EPHB1: variants seen among roughly 807,000 people sequenced by gnomAD.
The protein encoded by EPHB1 is ephrin type-B receptor 1.
Under a neutral mutation model 94.4 loss-of-function variants are expected in EPHB1, and 30 were observed. That is an observed-to-expected ratio of 0.32 (90% CI 0.24 to 0.43). EPHB1 has a LOEUF of 0.43. EPHB1 is among the 20% of genes least tolerant of loss of function. The pLI is 1.00. For missense variants in EPHB1, 1,055 were observed against 1,308.3 expected, an observed-to-expected ratio of 0.81 and a Z score of 2.99; for synonymous variants, 522 against 489.1, an observed-to-expected ratio of 1.07 and a Z score of -0.89.
intron 12 of EPHB1, among the ~76,000 whole-genome samples, chr3:135,228,153 G>A (rs1943443813): frequency 6.6e-6 from 1 of 152,096 alleles, no homozygotes; most frequent in Non-Finnish European, 1.5e-5. Context: ...ACAGGATCCA[G>A]TCTAGCTTCT....
At chr3:135,125,589 A>G (rs907119709) in intron 4 of EPHB1, among the ~76,000 whole-genome samples, 9 of 152,250 alleles carry the variant, frequency 5.9e-5, no homozygotes, top group African/African-American at 2.2e-4. Context: ...CTTAGAAAGA[A>G]TAAAGGTTTG....
intron 1 of EPHB1, among the ~76,000 whole-genome samples, chr3:134,800,984 T>A (rs760521586): frequency 1.4e-4 from 22 of 152,232 alleles, no homozygotes; most frequent in Admixed American, 5.2e-4. Context: ...TTTAGCCACT[T>A]TGCTCCACCA....
intron 3 of EPHB1, among the ~76,000 whole-genome samples, chr3:135,103,799 C>T (rs1939110696): frequency 6.6e-6 from 1 of 152,102 alleles, no homozygotes; most frequent in Admixed American, 6.6e-5. Flanking sequence ...AGCTTCTCTC[C>T]CTGATGTCCA....
intron 15 of EPHB1, among the ~76,000 whole-genome samples, chr3:135,257,856 A>G (rs893152699): frequency 6.6e-6 from 1 of 152,052 alleles, no homozygotes; most frequent in African/African-American, 2.4e-5. Context: ...TGTGCTAGCA[A>G]TCAGGGAGAC....
intron 1 of EPHB1, among the ~76,000 whole-genome samples, chr3:134,812,134 T>A (rs2036191026): frequency 1.3e-5 from 2 of 152,304 alleles, no homozygotes; most frequent in South Asian, 4.1e-4. Context: ...AAAAATAGGC[T>A]TTCTTGAAGC....
chr3:134,833,630 G>A (rs546824346), intron 1 of EPHB1, among the ~76,000 whole-genome samples: 1 of 152,348 alleles, frequency 6.6e-6, no homozygotes, highest in Admixed American at 6.5e-5. Context: ...TGTGATGGGT[G>A]CCAGGACTGA....
Position 135,132,790 on chromosome 3 carries a change from G to A in EPHB1, c.1038G>A (p.Arg346=), listed in dbSNP as rs1940465318. Residue 346 remains arginine, a synonymous_variant, in exon 5 of 16, where the codon AGG becomes AGA. Coordinates refer to ENST00000398015, the MANE Select transcript of EPHB1 (RefSeq NM_004441.5). ...TSIILEWHPP[R]ETGGRDDVTY... Reference sequence around the variant, plus strand: ...TCATTCTGGAGTGGCACCCTCCAAGGGAGACAGGTGGGCGGGATGATGTGA... The same window carrying A: ...TCATTCTGGAGTGGCACCCTCCAAGAGAGACAGGTGGGCGGGATGATGTGA... 7 of 1,613,848 alleles carry A rather than the reference G, an allele frequency of 4.3e-6. No homozygotes were observed. Among genetic ancestry groups the A allele is most frequent in the African/African-American group, 2.7e-5 (2 of 74,928 alleles).
At chr3:135,006,100 C>A (rs896929988) in intron 3 of EPHB1, among the ~76,000 whole-genome samples, 1 of 152,208 alleles carries the variant, frequency 6.6e-6, no homozygotes, top group Admixed American at 6.5e-5. Context: ...TGTAAGTTTC[C>A]TGAGGCCTCC....
intron 1 of EPHB1, among the ~76,000 whole-genome samples, chr3:134,868,258 C>A (rs756651670): frequency 1.3e-5 from 2 of 152,136 alleles, no homozygotes; most frequent in Non-Finnish European, 2.9e-5. Flanking sequence ...GAGGCTCTTA[C>A]CATTTTTTAT....
At chr3:135,121,299 C>T (rs1008743430) in intron 4 of EPHB1, among the ~76,000 whole-genome samples, 1 of 152,208 alleles carries the variant, frequency 6.6e-6, no homozygotes, top group African/African-American at 2.4e-5. Flanking sequence ...AGATCTGAAT[C>T]TCCACACTTG....
At chr3:134,942,236 A>G (rs2039134485) in intron 2 of EPHB1, among the ~76,000 whole-genome samples, 3 of 152,354 alleles carry the variant, frequency 2.0e-5, no homozygotes, top group South Asian at 4.1e-4. Flanking sequence ...AATATGGAGC[A>G]ATACCCAACA....
At chr3:135,094,797 G>A (rs918095286) in intron 3 of EPHB1, among the ~76,000 whole-genome samples, 4 of 152,230 alleles carry the variant, frequency 2.6e-5, no homozygotes, top group African/African-American at 9.6e-5. Flanking sequence ...TGGCTGTCCA[G>A]TTGGCCTGCT....
intron 3 of EPHB1, among the ~76,000 whole-genome samples, chr3:135,081,536 A>C (rs1938164186): frequency 6.6e-6 from 1 of 152,170 alleles, no homozygotes; most frequent in Non-Finnish European, 1.5e-5. Flanking sequence ...GTACATAGAA[A>C]AAACCTGGAG....
At chr3:134,807,217 C>T (rs968977195) in intron 1 of EPHB1, among the ~76,000 whole-genome samples, 4 of 152,130 alleles carry the variant, frequency 2.6e-5, no homozygotes, top group African/African-American at 4.8e-5. Flanking sequence ...CTAGGAGCCA[C>T]CAGTGTCACA....
At chr3:135,233,911 A>G (rs1238197792) in intron 12 of EPHB1, among the ~76,000 whole-genome samples, 1 of 152,144 alleles carries the variant, frequency 6.6e-6, no homozygotes, top group Non-Finnish European at 1.5e-5. Context: ...AGCAGCTGAG[A>G]TACAGTTCTG....
intron 4 of EPHB1, among the ~76,000 whole-genome samples, chr3:135,122,358 A>G (rs953052812): frequency 2.6e-5 from 4 of 152,234 alleles, no homozygotes; most frequent in Non-Finnish European, 4.4e-5. Context: ...GCTGCATTTC[A>G]GGGGTATGAA....
At chr3:134,796,321 G>C (rs6439521) in intron 1 of EPHB1, 144,448 of 157,292 alleles carry the variant, frequency 0.92, 66,635 homozygotes, top group Non-Finnish European at 0.96. Flanking sequence ...CGGGACTGCA[G>C]GTTTCCAGGG....
chr3:135,219,211 G>A (rs1442606504), intron 12 of EPHB1, among the ~76,000 whole-genome samples: 3 of 152,142 alleles, frequency 2.0e-5, no homozygotes, highest in Non-Finnish European at 2.9e-5. Context: ...AGTGTGAAAG[G>A]TGTGTTAGCT....
intron 5 of EPHB1, among the ~76,000 whole-genome samples, chr3:135,140,834 T>A (rs1940798481): frequency 6.6e-6 from 1 of 152,230 alleles, no homozygotes; most frequent in African/African-American, 2.4e-5. Context: ...GTACCATCCA[T>A]GTTAAACAGG....
Sources: gnomAD v4.1 joint callset for allele counts (sites outside exome capture counted in the v4.1 genomes callset) on GRCh38, gnomAD v4.1.1 for gene constraint, MANE v1.5 for transcripts, NCBI Gene and HGNC (gene_info 2026-07-23, HGNC 2026-07-21) for gene names.